The following PF4 variants were observed in gnomAD, a reference collection of about 807,000 sequenced individuals.
The protein encoded by PF4 is platelet factor 4, also known as C-X-C motif chemokine 4.
Under a neutral mutation model 6.9 loss-of-function variants are expected in PF4, and 8 were observed. The observed-to-expected ratio is 1.16, with a 90% CI of 0.68 to 2.09. The LOEUF (loss-of-function observed/expected upper bound fraction) is 2.09, where lower values mean the gene tolerates loss of function less well. PF4 is among the 30% of genes most tolerant of loss of function. The probability of loss-of-function intolerance (pLI) is 0.00; values close to 1 mark genes in which losing one functional copy is unlikely to be tolerated. For synonymous variants in PF4, 55 were observed against 56.5 expected, an observed-to-expected ratio of 0.97 and a Z score of 0.12; for missense variants, 111 against 122.9, an observed-to-expected ratio of 0.90 and a Z score of 0.46.
At position 73,981,249 on chromosome 4, in the gene PF4, T is replaced by A; in HGVS notation, c.261A>T (p.Gln87His). The change falls in exon 3 of 3, where the codon CAA becomes CAT. Residue 87 changes from glutamine to histidine, a missense_variant. Transcript: ENST00000296029. The part of the protein sequence containing the change: ...KNGRKICLDL[Q>H]APLYKKIIKK... The stretch of plus-strand genomic sequence containing the variant: ...TAATTATTTTCTTGTACAGCGGGGC[T>A]TGCAGGTCCAAGCAAATTTTCCTTC... 1 of 1,614,232 alleles carries A rather than the reference T, an allele frequency of 6.2e-7. No individual in the cohort carries two copies. The highest frequency in any genetic ancestry group is 8.5e-7 in the Non-Finnish European group (1 of 1,180,022).
At position 73,981,132 on chromosome 4, in the gene PF4, T is replaced by C. The variant is rs1274687932; in HGVS notation, c.*72A>G. ...GGATAACACAAATATCAGAAGTTCT[T>C]TCACAGTTAGATTGAAACTGGAAAA... On this transcript the variant is annotated 3_prime_UTR_variant, in exon 3 of 3. Transcript: ENST00000296029. The C allele has an allele frequency of 9.7e-7, 1 of 1,033,340 alleles. No individual in the cohort carries two copies. Among genetic ancestry groups the C allele is most frequent in the African/African-American group, 1.6e-5 (1 of 62,906 alleles). 64.0% of individuals were successfully genotyped at this position (1,033,340 alleles called of 1,614,324 possible).
intron 1 of PF4, 43 bp from the exon 2 acceptor site, chr4:73,981,586 A>G: frequency 6.3e-7 from 1 of 1,588,208 alleles, no homozygotes; most frequent in South Asian, 1.1e-5. Context: ...GAGGGGAGGG[A>G]GTGGTGACTC....
chr4:73,981,633 C>T (rs773349063), intron 1 of PF4, 90 bp from the exon 2 acceptor site: 83 of 1,512,130 alleles, frequency 5.5e-5, no homozygotes, highest in Non-Finnish European at 7.2e-5. Context: ...ACTTTTTCCA[C>T]TACCTTCAGC....
intron 2 of PF4, 46 bp from the exon 3 acceptor site, chr4:73,981,337 G>C (rs540419564): frequency 6.2e-7 from 1 of 1,613,936 alleles, no homozygotes; most frequent in East Asian, 2.2e-5. Flanking sequence ...CCTTGGGTTT[G>C]CAAATGGCAT....
chr4:73,982,107 C>T, upstream of PF4: 1 of 349,510 alleles, frequency 2.9e-6, no homozygotes, highest in Non-Finnish European at 5.2e-6. Flanking sequence ...CGAGGAACTG[C>T]GGTGCGGAAA....
At chr4:73,981,718 C>G (rs1004622840) in intron 1 of PF4, 145 bp downstream of exon 1, 1 of 1,471,720 alleles carries the variant, frequency 6.8e-7, no homozygotes, top group Non-Finnish European at 9.0e-7. Context: ...GCAGGTGCAG[C>G]GCCTGGCACT....
In PF4 at chr4:73,981,498, G is replaced by C. The variant is rs1167966826; in HGVS notation, c.137C>G (p.Thr46Ser). The change falls in exon 2 of 3, where the codon ACC becomes AGC. Residue 46 changes from threonine to serine, a missense_variant. Thr to Ser is a moderately conservative substitution (Grantham distance 58, BLOSUM62 1). Coordinates refer to ENST00000296029, the MANE Select transcript of PF4 (RefSeq NM_002619.4). ...DGDLQCLCVK[T>S]TSQVRPRHIT... ...GTGCCTGGGACGGACCTGGGAGGTG[G>C]TCTTCACACACAGGCACTGCAGGTC... 1 of 1,613,974 alleles carries C rather than the reference G, an allele frequency of 6.2e-7. No individual in the cohort carries two copies. The highest frequency in any genetic ancestry group is 1.1e-5 in the South Asian group (1 of 91,074).
At chr4:73,981,637 C>G (rs535401083) in intron 1 of PF4, 94 bp from the exon 2 acceptor site, 84 of 1,504,540 alleles carry the variant, frequency 5.6e-5, no homozygotes, top group Admixed American at 1.5e-4. Flanking sequence ...TTTCCACTAC[C>G]TTCAGCCTTC....
Position 73,981,016 on chromosome 4 carries a change from T to C in PF4, c.*188A>G. ...ACCGGAATTTTTTTCTTCCATGAAA[T>C]TGTTATGTGTCAACACAATTTTTGC... On this transcript the variant is annotated 3_prime_UTR_variant, in exon 3 of 3. Transcript: ENST00000296029. 1 of 570,158 alleles carries C rather than the reference T, an allele frequency of 1.8e-6. No individual in the cohort carries two copies. 35.3% of individuals were successfully genotyped at this position (570,158 alleles called of 1,614,324 possible).
rs534064919 is a variant in PF4, at chr4:73,981,877, AC to A, written c.76del (p.Val26SerfsTer19). 135 of 1,551,232 alleles carry A rather than the reference AC, an allele frequency of 8.7e-5. 2 individuals are homozygous for A. In the Admixed American group the frequency reaches 2.6e-3, roughly 30 times the overall value. ...FLGLLLLPLV[V>X]AFASAEAEED... ...TCTGCTCTCACCGCTGGCGAAGGCG[AC>A]CACAAGTGGCAGGAGCAGCAACCCC... is the stretch of plus-strand genomic sequence containing the variant. On this transcript the variant is annotated frameshift_variant, in exon 1 of 3. Coordinates refer to ENST00000296029, the MANE Select transcript of PF4 (RefSeq NM_002619.4). LOFTEE classifies it high-confidence loss of function.
chr4:73,982,022 G>T lies in PF4; in HGVS notation c.-69C>A. The stretch of plus-strand genomic sequence containing the variant: ...GGGAAACTCGGGCTGGGTCTCTGTG[G>T]CCAATGACTCCTGAGCCTCGCCGGC... On this transcript the variant is annotated 5_prime_UTR_variant, in exon 1 of 3. Coordinates refer to ENST00000296029, the MANE Select transcript of PF4 (RefSeq NM_002619.4). The T allele has an allele frequency of 7.6e-7, 1 of 1,307,844 alleles. No individual in the cohort carries two copies. Among genetic ancestry groups the T allele is most frequent in the Non-Finnish European group, 1.1e-6 (1 of 929,768 alleles). 81.0% of individuals were successfully genotyped at this position (1,307,844 alleles called of 1,614,324 possible).
In PF4 at chr4:73,981,425, G is replaced by A; in HGVS notation, c.210C>T (p.Ala70=). 1.2e-6 allele frequency: 2 copies of A among 1,614,158 alleles called. No homozygotes were observed. The highest frequency in any genetic ancestry group is 1.7e-6 in the Non-Finnish European group (2 of 1,179,996). ...GCAGTGCAAGGACTCACATCAGTTG[G>A]GCAGTGGGGCAGTGGGGTCCGGCCT... ...VIKAGPHCPT[A]QLIATLKNGR... is the part of the protein sequence containing the mutation. Residue 70 remains alanine (A), a synonymous_variant, in exon 2 of 3, where the codon GCC becomes GCT. Transcript: ENST00000296029.
In PF4 at chr4:73,981,177, A is replaced by G. The variant is rs770653921; in HGVS notation, c.*27T>C. The G allele has an allele frequency of 1.7e-5, 25 of 1,501,520 alleles. No individual in the cohort carries two copies. The highest frequency in any genetic ancestry group is 2.2e-5 in the Non-Finnish European group (24 of 1,077,306). 93.0% of individuals were successfully genotyped at this position (1,501,520 alleles called of 1,614,324 possible). On this transcript the variant is annotated 3_prime_UTR_variant, in exon 3 of 3. Transcript: ENST00000296029. ...GGAAAAAAGAAGTATGCTATATAGC[A>G]AATGCACACACGTAGGCAGCTAGTA... is the stretch of plus-strand genomic sequence containing the variant.
chr4:73,980,949 C>T lies in PF4; in HGVS notation c.*255G>A. 4.2e-6 allele frequency: 2 copies of T among 472,166 alleles called. No individual in the cohort carries two copies. Among genetic ancestry groups the T allele is most frequent in the Non-Finnish European group, 7.6e-6 (2 of 263,918 alleles). 29.2% of individuals were successfully genotyped at this position (472,166 alleles called of 1,614,324 possible). On this transcript the variant is annotated 3_prime_UTR_variant, in exon 3 of 3. Transcript: ENST00000296029. ...AGCCAACATGTAACACCAAGCATAA[C>T]CAGTATTCACACCTTCCTTCAAAAT...
rs776469211 is a variant in PF4, at chr4:73,981,180, T to C, written c.*24A>G. On this transcript the variant is annotated 3_prime_UTR_variant, in exon 3 of 3. Coordinates refer to ENST00000296029, the MANE Select transcript of PF4 (RefSeq NM_002619.4). ...AAAAAGAAGTATGCTATATAGCAAATGCACACACGTAGGCAGCTAGTAGCT... is the reference window on the plus strand; with the variant it reads ...AAAAAGAAGTATGCTATATAGCAAACGCACACACGTAGGCAGCTAGTAGCT... 8 of 1,531,404 alleles carry C rather than the reference T, an allele frequency of 5.2e-6. No homozygotes were observed. The Admixed American group carries it at 8.4e-5, about 16-fold the overall frequency. The allele number at this position is 1,531,404 out of a possible 1,614,324, so 94.9% of individuals were successfully genotyped here.
At chr4:73,981,668 A>C (rs1578177380) in intron 1 of PF4, 125 bp from the exon 2 acceptor site, 1 of 1,480,448 alleles carries the variant, frequency 6.8e-7, no homozygotes, top group South Asian at 1.4e-5. Flanking sequence ...CATAAATCAC[A>C]CCTCCCCCAG....
At chr4:73,981,774 A>G in intron 1 of PF4, 89 bp downstream of exon 1, 1 of 1,503,754 alleles carries the variant, frequency 6.7e-7, no homozygotes, top group Non-Finnish European at 8.9e-7. Context: ...GGCTGTGATC[A>G]TGATCCTAGA....
chr4:73,981,600 G>A, intron 1 of PF4, 57 bp from the exon 2 acceptor site: 1 of 1,567,676 alleles, frequency 6.4e-7, no homozygotes, highest in Non-Finnish European at 8.7e-7. Flanking sequence ...GTGACTCCAT[G>A]AGTAGCCAGA....
At chr4:73,981,393 G>A (rs370980748) in intron 2 of PF4, 24 bp downstream of exon 2, 12 of 1,614,042 alleles carry the variant, frequency 7.4e-6, no homozygotes, top group Non-Finnish European at 8.5e-6. Flanking sequence ...CGGGAGCACT[G>A]ACAGATGCAG....
Sources: gnomAD v4.1 joint callset for allele counts on GRCh38, gnomAD v4.1.1 for gene constraint, MANE v1.5 for transcripts, NCBI Gene and HGNC (gene_info 2026-07-23, HGNC 2026-07-21) for gene names.